The following MARCHF1 variants were observed in gnomAD, a reference collection of about 807,000 sequenced individuals.
MARCHF1 encodes the protein E3 ubiquitin-protein ligase MARCHF1.
Under a neutral mutation model 54.2 loss-of-function variants are expected in MARCHF1, and 40 were observed. The observed-to-expected ratio is 0.74, with a 90% CI of 0.57 to 0.96. MARCHF1 has a LOEUF of 0.96. MARCHF1 is among the 40% of genes least tolerant of loss of function. The pLI, the probability that MARCHF1 is intolerant of heterozygous loss-of-function variation, is 0.00. For missense variants in MARCHF1, 586 were observed against 656.5 expected (o/e 0.89, Z 1.17); for synonymous variants, 236 against 236.3 (o/e 1.00, Z 0.01).
intron 1 of MARCHF1, among the ~76,000 whole-genome samples, chr4:164,371,130 A>T (rs1021064903): frequency 6.6e-6 from 1 of 152,180 alleles, no homozygotes; most frequent in Non-Finnish European, 1.5e-5. Flanking sequence ...ATATAAATAT[A>T]TGGCACCTAG....
chr4:163,927,925 T>A (rs972193153), intron 3 of MARCHF1, among the ~76,000 whole-genome samples: 8 of 151,914 alleles, frequency 5.3e-5, no homozygotes, highest in African/African-American at 1.9e-4. Flanking sequence ...CTCTTCCAAA[T>A]GAAGTATAAT....
At chr4:163,887,824 C>G (rs1490401728) in intron 3 of MARCHF1, among the ~76,000 whole-genome samples, 1 of 152,252 alleles carries the variant, frequency 6.6e-6, no homozygotes, top group East Asian at 1.9e-4. Context: ...AATTTTATAA[C>G]TCTTCCCTTA....
intron 5 of MARCHF1, among the ~76,000 whole-genome samples, chr4:163,633,252 C>T (rs1448824676): frequency 6.6e-6 from 1 of 152,236 alleles, no homozygotes; most frequent in East Asian, 1.9e-4. Flanking sequence ...CGGAGAATGA[C>T]TTTGACGAGC....
intron 2 of MARCHF1, among the ~76,000 whole-genome samples, chr4:164,098,673 T>C (rs1755468186): frequency 6.6e-6 from 1 of 152,222 alleles, no homozygotes; most frequent in Non-Finnish European, 1.5e-5. Flanking sequence ...AGAATGAAGA[T>C]CTTTTCATGA....
chr4:163,691,346 G>A (rs556959320), intron 5 of MARCHF1, among the ~76,000 whole-genome samples: 1 of 152,234 alleles, frequency 6.6e-6, no homozygotes, highest in Non-Finnish European at 1.5e-5. Context: ...GACTTCAGAT[G>A]TTGGTGATGG....
chr4:163,752,495 G>A (rs1185305609), intron 4 of MARCHF1, among the ~76,000 whole-genome samples: 2 of 152,028 alleles, frequency 1.3e-5, no homozygotes, highest in Non-Finnish European at 2.9e-5. Context: ...TTTAGCCTCA[G>A]TTTCTTTGTT....
chr4:164,331,599 CGTT>C (rs1420109269), intron 1 of MARCHF1, among the ~76,000 whole-genome samples: 3 of 152,080 alleles, frequency 2.0e-5, no homozygotes, highest in Non-Finnish European at 4.4e-5. Flanking sequence ...TGTCTTAACA[CGTT>C]GTTTTATAAA....
rs539133122 is a variant in MARCHF1 at position 164,107,209 on chromosome 4, A to C, written c.-248+4379T>G. Among the ~76,000 whole-genome samples the C allele has an allele frequency of 8.6e-4, 131 of 152,278 alleles. 1 individual carries two copies. Among genetic ancestry groups the C allele is most frequent in the Non-Finnish European group, 1.7e-3 (116 of 68,006 alleles). ...TTCCCTAGTTAGTGCCATTTGTCAT[A>C]TATCAGTGGTTTTTGACTCACAGTA... On this transcript the variant is annotated intron_variant, in intron 2 of 9. Transcript: ENST00000514618.
intron 2 of MARCHF1, among the ~76,000 whole-genome samples, chr4:164,025,362 C>CA (rs1410491992): frequency 2.0e-5 from 3 of 151,486 alleles, no homozygotes; most frequent in Non-Finnish European, 2.9e-5. Context: ...TCAATAAATT[C>CA]AAAAAAACAA....
At chr4:163,627,313 G>A (rs990901222) in intron 5 of MARCHF1, among the ~76,000 whole-genome samples, 6 of 152,056 alleles carry the variant, frequency 3.9e-5, no homozygotes, top group African/African-American at 1.4e-4. Flanking sequence ...TTTCTTTGTG[G>A]TTTCTTCCAC....
At chr4:164,303,091 G>A (rs1245088020) in intron 1 of MARCHF1, among the ~76,000 whole-genome samples, 4 of 151,968 alleles carry the variant, frequency 2.6e-5, no homozygotes, top group Admixed American at 2.6e-4. Context: ...GGCTCACACT[G>A]GGGTCTGTAA....
intron 4 of MARCHF1, among the ~76,000 whole-genome samples, chr4:163,834,947 T>C (rs976706121): frequency 2.6e-5 from 4 of 152,092 alleles, no homozygotes; most frequent in Admixed American, 6.6e-5. Flanking sequence ...ATTGGTGTGA[T>C]TGTAGCTCAC....
At chr4:163,899,502 T>G (rs1243952266) in intron 3 of MARCHF1, among the ~76,000 whole-genome samples, 1 of 152,168 alleles carries the variant, frequency 6.6e-6, no homozygotes, top group Non-Finnish European at 1.5e-5. Context: ...TACTTCATTT[T>G]TCTTTGTAAA....
intron 1 of MARCHF1, among the ~76,000 whole-genome samples, chr4:164,335,406 C>T (rs1729703931): frequency 6.6e-6 from 1 of 152,060 alleles, no homozygotes; most frequent in Non-Finnish European, 1.5e-5. Flanking sequence ...TATGGTGAAA[C>T]CCTGTCTCTA....
intron 2 of MARCHF1, among the ~76,000 whole-genome samples, chr4:164,100,156 T>C (rs1755508687): frequency 6.6e-6 from 1 of 152,218 alleles, no homozygotes; most frequent in African/African-American, 2.4e-5. Context: ...AAGAGCTTTA[T>C]TCCAAATAAT....
At chr4:163,941,658 CAG>C (rs1457825456) in intron 3 of MARCHF1, among the ~76,000 whole-genome samples, 3 of 152,044 alleles carry the variant, frequency 2.0e-5, no homozygotes, top group African/African-American at 7.2e-5. Context: ...CGTGGTCCTT[CAG>C]AGACATTCCT....
At chr4:163,827,113 TA>T (rs1366591067) in intron 4 of MARCHF1, among the ~76,000 whole-genome samples, 1 of 152,072 alleles carries the variant, frequency 6.6e-6, no homozygotes, top group African/African-American at 2.4e-5. Flanking sequence ...GAAAACATCT[TA>T]TTTTTTTGTG....
intron 1 of MARCHF1, among the ~76,000 whole-genome samples, chr4:164,164,245 C>A (rs1730312607): frequency 6.6e-6 from 1 of 151,280 alleles, no homozygotes; most frequent in Non-Finnish European, 1.5e-5. Flanking sequence ...GAGGAGAAAT[C>A]AATGAAATAG....
At chr4:164,382,779 T>C (rs916467435) in intron 1 of MARCHF1, among the ~76,000 whole-genome samples, 3 of 152,212 alleles carry the variant, frequency 2.0e-5, no homozygotes, top group Non-Finnish European at 4.4e-5. Flanking sequence ...GCATGTTGGC[T>C]ATATAGCACT....
Sources: allele counts gnomAD v4.1 joint callset (sites outside exome capture counted in the v4.1 genomes callset), GRCh38; gene constraint gnomAD v4.1.1; transcripts MANE v1.5; gene names NCBI Gene and HGNC (gene_info 2026-07-23, HGNC 2026-07-21).